MOB3B: variants seen among roughly 807,000 people sequenced by gnomAD.
MOB3B encodes MOB kinase activator-like 2B.
A neutral mutation model predicts 18.7 loss-of-function variants in MOB3B; 7 were observed. The ratio of observed to expected loss-of-function variants is 0.37; its 90% CI spans 0.21 to 0.70. MOB3B has a LOEUF of 0.70. Among genes scored for constraint, MOB3B ranks in the 30% least tolerant of loss-of-function variants. The pLI is 0.52. For missense variants in MOB3B, 253 were observed against 281.3 expected, an observed-to-expected ratio of 0.90 and a Z score of 0.72; for synonymous variants, 111 against 99.9, an observed-to-expected ratio of 1.11 and a Z score of -0.66.
intron 3 of MOB3B, chr9:27,358,741 G>GT (rs1821228790): frequency 1.7e-6 from 1 of 584,624 alleles, no homozygotes; most frequent in Admixed American, 2.0e-5. Flanking sequence ...AATTCAATAA[G>GT]TGGAAGAATG....
intron 1 of MOB3B, among the ~76,000 whole-genome samples, chr9:27,463,442 A>AC (rs1563874997): frequency 6.6e-6 from 1 of 152,140 alleles, no homozygotes; most frequent in Non-Finnish European, 1.5e-5. Flanking sequence ...AAGAAAAAAA[A>AC]CAAAACAGAG....
chr9:27,469,998 T>C, intron 1 of MOB3B, among the ~76,000 whole-genome samples: 1 of 151,252 alleles, frequency 6.6e-6, no homozygotes, highest in Non-Finnish European at 1.5e-5. Flanking sequence ...CCCAGCTATC[T>C]GGGAGGCTGA....
intron 3 of MOB3B, among the ~76,000 whole-genome samples, chr9:27,354,676 A>G (rs1355893776): frequency 6.6e-6 from 1 of 152,230 alleles, no homozygotes; most frequent in Non-Finnish European, 1.5e-5. Context: ...CCCCAATTCA[A>G]AAACATATTA....
At chr9:27,339,719 C>T (rs1820913631) in intron 3 of MOB3B, among the ~76,000 whole-genome samples, 2 of 152,242 alleles carry the variant, frequency 1.3e-5, no homozygotes, top group South Asian at 4.1e-4. Flanking sequence ...ATCCTCCTAA[C>T]CAGTCTACTA....
rs535862648 is a variant in MOB3B, at chr9:27,474,249, T to C, written c.-198-18501A>G. 3.8e-4 allele frequency among the ~76,000 whole-genome samples: 58 copies of C among 152,174 alleles called. 1 individual carries two copies. Among genetic ancestry groups the C allele is most frequent in the Non-Finnish European group, 7.6e-4 (52 of 68,040 alleles). On this transcript the variant is annotated intron_variant, in intron 1 of 3. Coordinates refer to ENST00000262244, the MANE Select transcript of MOB3B (RefSeq NM_024761.5). ...ATAATTTATATTTCCTCCAACCATA[T>C]CTAGTAAACACAAATGGGTCCTTTT...
In MOB3B at chr9:27,359,245, G is replaced by T; in HGVS notation, c.419-9C>A. On this transcript the variant is annotated splice_polypyrimidine_tract_variant and intron_variant, in intron 2 of 3. Coordinates refer to ENST00000262244, the MANE Select transcript of MOB3B (RefSeq NM_024761.5). ...CTTTGGGAAGGGAACACCTAGAGAA[G>T]AAAAAAAGAAGAAAGAATGAAACCA... is the stretch of plus-strand genomic sequence containing the variant. 1 of 1,608,838 alleles carries T rather than the reference G, an allele frequency of 6.2e-7. No individual in the cohort carries two copies. The highest frequency in any genetic ancestry group is 8.5e-7 in the Non-Finnish European group (1 of 1,177,306).
At chr9:27,383,733 T>C (rs192901350) in intron 2 of MOB3B, among the ~76,000 whole-genome samples, 9 of 152,312 alleles carry the variant, frequency 5.9e-5, no homozygotes, top group Admixed American at 1.3e-4. Context: ...TGTAAATACA[T>C]TTCCTGTTCA....
At chr9:27,488,608 A>C (rs182422953) in intron 1 of MOB3B, among the ~76,000 whole-genome samples, 5 of 152,258 alleles carry the variant, frequency 3.3e-5, no homozygotes, top group African/African-American at 1.2e-4. Flanking sequence ...GGGTTTCACC[A>C]CATTGGCCAG....
chr9:27,381,151 C>A, intron 2 of MOB3B, among the ~76,000 whole-genome samples: 1 of 152,024 alleles, frequency 6.6e-6, no homozygotes, highest in Admixed American at 6.6e-5. Context: ...AGCAAGGAAT[C>A]CTGTTTTCCT....
rs1485909028 is a variant in MOB3B at position 27,327,226 on chromosome 9, T to C, written c.*3361A>G. On this transcript the variant is annotated 3_prime_UTR_variant, in exon 4 of 4. Coordinates refer to ENST00000262244, the MANE Select transcript of MOB3B (RefSeq NM_024761.5). ...CTCCTTGAGAACATTAAGGGATGAA[T>C]GTACGTATGCACAGCCTCACACTCT... 6.6e-6 allele frequency: 1 copy of C among 152,208 alleles called. No homozygotes were observed. The highest frequency in any genetic ancestry group is 2.4e-5 in the African/African-American group (1 of 41,450). The allele number at this position is 152,208 out of a possible 1,614,324, so 9.4% of individuals were successfully genotyped here. A position where few individuals can be genotyped will look rare whatever the true frequency, so the allele number is the denominator to read the frequency against.
chr9:27,450,426 G>T (rs1448265312), intron 2 of MOB3B, among the ~76,000 whole-genome samples: 1 of 152,066 alleles, frequency 6.6e-6, no homozygotes, highest in Non-Finnish European at 1.5e-5. Flanking sequence ...GTAATCTGCT[G>T]CCCAGTCTTA....
intron 2 of MOB3B, among the ~76,000 whole-genome samples, chr9:27,435,612 T>C (rs1207525274): frequency 6.6e-6 from 1 of 152,156 alleles, no homozygotes; most frequent in African/African-American, 2.4e-5. Context: ...TATTTATTTA[T>C]TTTTGAGAAG....
chr9:27,373,866 A>G (rs1821455134), intron 2 of MOB3B, among the ~76,000 whole-genome samples: 1 of 152,236 alleles, frequency 6.6e-6, no homozygotes, highest in African/African-American at 2.4e-5. Flanking sequence ...CGCCTCCTCT[A>G]CTTTAAGTCT....
At chr9:27,371,720 G>A (rs748542475) in intron 2 of MOB3B, among the ~76,000 whole-genome samples, 4 of 152,128 alleles carry the variant, frequency 2.6e-5, no homozygotes, top group African/African-American at 4.8e-5. Flanking sequence ...GTGCCAGCCT[G>A]GAGAGTGTAT....
chr9:27,346,462 CAGT>C (rs1821032259), intron 3 of MOB3B, among the ~76,000 whole-genome samples: 1 of 152,182 alleles, frequency 6.6e-6, no homozygotes. Context: ...TGAAGATAAA[CAGT>C]ATTTATCTCA....
chr9:27,433,825 C>G (rs527349083), intron 2 of MOB3B, among the ~76,000 whole-genome samples: 1 of 152,118 alleles, frequency 6.6e-6, no homozygotes, highest in Non-Finnish European at 1.5e-5. Context: ...CAAGAGTGAC[C>G]TTTACAGAGC....
chr9:27,340,403 T>C (rs577055291), intron 3 of MOB3B, among the ~76,000 whole-genome samples: 37 of 152,366 alleles, frequency 2.4e-4, no homozygotes, highest in Non-Finnish European at 4.0e-4. Context: ...TGATTTACAT[T>C]GTTTCTTATA....
At chr9:27,371,681 G>A (rs1821416835) in intron 2 of MOB3B, among the ~76,000 whole-genome samples, 2 of 152,182 alleles carry the variant, frequency 1.3e-5, no homozygotes, top group Admixed American at 1.3e-4. Flanking sequence ...AGTAGGCTGG[G>A]TGTAATATGA....
intron 2 of MOB3B, among the ~76,000 whole-genome samples, chr9:27,415,337 C>T (rs996620943): frequency 2.0e-5 from 3 of 151,850 alleles, no homozygotes; most frequent in Non-Finnish European, 2.9e-5. Context: ...TGTCAATTTC[C>T]TGCCTCTGAA....
Sources: allele counts gnomAD v4.1 joint callset (sites outside exome capture counted in the v4.1 genomes callset), GRCh38; gene constraint gnomAD v4.1.1; transcripts MANE v1.5; gene names NCBI Gene and HGNC (gene_info 2026-07-23, HGNC 2026-07-21).